Variants in CRPPA observed in about 807,000 individuals in gnomAD.
CRPPA encodes the protein D-ribitol-5-phosphate cytidylyltransferase.
Under a neutral mutation model 52.0 loss-of-function variants are expected in CRPPA, and 43 were observed. The ratio of observed to expected loss-of-function variants is 0.83; its 90% CI spans 0.65 to 1.07. The LOEUF (loss-of-function observed/expected upper bound fraction) is 1.07, where lower values mean the gene tolerates loss of function less well. Among genes scored for constraint, CRPPA ranks in the 50% least tolerant of loss-of-function variants. CRPPA has a pLI of 0.00. For synonymous variants in CRPPA, 250 were observed against 203.5 expected (o/e 1.23, Z -1.94); for missense variants, 629 against 551.7 (o/e 1.14, Z -1.40).
At chr7:16,388,883 C>T (rs1485899862) in intron 2 of CRPPA, among the ~76,000 whole-genome samples, 1 of 151,420 alleles carries the variant, frequency 6.6e-6, no homozygotes, top group Non-Finnish European at 1.5e-5. Context: ...CTCAAACCAA[C>T]AAAAACAGTT....
chr7:16,301,357 A>C, intron 5 of CRPPA, 64 bp downstream of exon 5: 1 of 1,340,672 alleles, frequency 7.5e-7, no homozygotes, highest in Non-Finnish European at 1.1e-6. Context: ...AACTGTCATG[A>C]GAAATTCCGA....
chr7:16,227,973 T>A (rs1782694799), intron 8 of CRPPA, among the ~76,000 whole-genome samples: 1 of 151,928 alleles, frequency 6.6e-6, no homozygotes, highest in African/African-American at 2.4e-5. Context: ...TATTCAGTTA[T>A]CCCAACAACA....
chr7:16,309,791 A>C (rs1161117342), intron 3 of CRPPA, among the ~76,000 whole-genome samples: 1 of 152,144 alleles, frequency 6.6e-6, no homozygotes, highest in Non-Finnish European at 1.5e-5. Context: ...GAAGCTACTG[A>C]AAGAATATAA....
chr7:16,286,069 A>T lies in CRPPA; in HGVS notation c.836-7843T>A. Among the ~76,000 whole-genome samples, 7 of 31,776 alleles carry T rather than the reference A, an allele frequency of 2.2e-4. 2 individuals are homozygous for T. The highest frequency in any genetic ancestry group is 1.1e-3 in the African/African-American group (7 of 6,294). 20.8% of individuals were successfully genotyped at this position (31,776 alleles called of 152,430 possible). ...AATATATATATATATATATATATATATATATATATATAATATTTAAAAAAA... is the reference window on the plus strand; with the variant it reads ...AATATATATATATATATATATATATTTATATATATATAATATTTAAAAAAA... On this transcript the variant is annotated intron_variant, in intron 5 of 9. Transcript: ENST00000407010.
At chr7:16,175,857 A>T (rs1381456370) in intron 9 of CRPPA, among the ~76,000 whole-genome samples, 1 of 152,140 alleles carries the variant, frequency 6.6e-6, no homozygotes, top group East Asian at 1.9e-4. Flanking sequence ...TTTCTATTGG[A>T]TCTCTGAGCT....
intron 7 of CRPPA, among the ~76,000 whole-genome samples, chr7:16,258,683 C>G (rs999627942): frequency 1.3e-5 from 2 of 151,998 alleles, no homozygotes; most frequent in Non-Finnish European, 2.9e-5. Context: ...AAACCTGCCT[C>G]TTATTACCTA....
intron 6 of CRPPA, among the ~76,000 whole-genome samples, chr7:16,274,264 G>A (rs759065003): frequency 1.3e-5 from 2 of 152,100 alleles, no homozygotes; most frequent in Non-Finnish European, 2.9e-5. Context: ...TAGCCAGGAT[G>A]GTCTCGATCT....
intron 1 of CRPPA, among the ~76,000 whole-genome samples, chr7:16,420,220 G>C (rs1788293275): frequency 1.3e-5 from 2 of 152,130 alleles, no homozygotes; most frequent in African/African-American, 2.4e-5. Flanking sequence ...TCAATTCAAG[G>C]CTTCACAAAC....
At chr7:16,124,419 C>T (rs1289293942) in intron 9 of CRPPA, among the ~76,000 whole-genome samples, 1 of 152,100 alleles carries the variant, frequency 6.6e-6, no homozygotes, top group African/African-American at 2.4e-5. Flanking sequence ...GAATGAAATT[C>T]TGTCACTTGT....
At chr7:16,194,313 T>G (rs1259206833) in intron 9 of CRPPA, among the ~76,000 whole-genome samples, 1 of 152,146 alleles carries the variant, frequency 6.6e-6, no homozygotes, top group Non-Finnish European at 1.5e-5. Context: ...GGTGCCATCT[T>G]TGGCTCCCTT....
At chr7:16,399,170 G>A (rs1360834329) in intron 2 of CRPPA, among the ~76,000 whole-genome samples, 4 of 152,316 alleles carry the variant, frequency 2.6e-5, no homozygotes, top group South Asian at 2.1e-4. Context: ...ACATGAACAC[G>A]TGACATGACA....
intron 8 of CRPPA, among the ~76,000 whole-genome samples, chr7:16,240,700 G>A (rs1583457862): frequency 6.6e-6 from 1 of 152,182 alleles, no homozygotes; most frequent in South Asian, 2.1e-4. Flanking sequence ...AACTAAAATA[G>A]CCAGCTCTTT....
rs1385281807 is a variant in CRPPA, at chr7:16,417,884, A to C, written c.257+3182T>G. On this transcript the variant is annotated intron_variant, in intron 1 of 9. Coordinates refer to ENST00000407010, the MANE Select transcript of CRPPA (RefSeq NM_001101426.4). ...TCTTAGAATAACCTAAATGATTGAC[A>C]GTGGTGACACCCATTATTTTTCTTA... Among the ~76,000 whole-genome samples, 2 of 152,244 alleles carry C rather than the reference A, an allele frequency of 1.3e-5. 1 individual carries two copies. The highest frequency in any genetic ancestry group is 2.9e-5 in the Non-Finnish European group (2 of 68,038).
chr7:16,281,756 T>C (rs1292404924), intron 5 of CRPPA, among the ~76,000 whole-genome samples: 1 of 152,188 alleles, frequency 6.6e-6, no homozygotes, highest in Non-Finnish European at 1.5e-5. Context: ...AAAAATTCAG[T>C]ATCTTAAATT....
chr7:16,092,735 A>G (rs1173046227), intron 9 of CRPPA, among the ~76,000 whole-genome samples: 2 of 152,184 alleles, frequency 1.3e-5, no homozygotes, highest in African/African-American at 4.8e-5. Context: ...TATCCTGACT[A>G]AAATCCTTTG....
At chr7:16,327,733 T>G (rs900870678) in intron 3 of CRPPA, among the ~76,000 whole-genome samples, 2 of 152,160 alleles carry the variant, frequency 1.3e-5, no homozygotes, top group Non-Finnish European at 2.9e-5. Context: ...CAAATTAAAC[T>G]GTGGCTTTTA....
intron 3 of CRPPA, among the ~76,000 whole-genome samples, chr7:16,372,901 C>T (rs1262167335): frequency 3.3e-5 from 5 of 152,034 alleles, no homozygotes; most frequent in African/African-American, 1.2e-4. Context: ...GATCCTTATA[C>T]CAGAAAAAGG....
chr7:16,349,713 G>A (rs1351500908), intron 3 of CRPPA, among the ~76,000 whole-genome samples: 1 of 151,576 alleles, frequency 6.6e-6, no homozygotes, highest in Non-Finnish European at 1.5e-5. Context: ...ACAACCTAAG[G>A]AGCAAAAGGA....
chr7:16,168,462 A>C (rs1781111644), intron 9 of CRPPA, among the ~76,000 whole-genome samples: 1 of 151,924 alleles, frequency 6.6e-6, no homozygotes, highest in Admixed American at 6.6e-5. Context: ...CATACCTAGC[A>C]TCAGTGTTTT....
Sources: gnomAD v4.1 joint callset for allele counts (sites outside exome capture counted in the v4.1 genomes callset) on GRCh38, gnomAD v4.1.1 for gene constraint, MANE v1.5 for transcripts, NCBI Gene and HGNC (gene_info 2026-07-23, HGNC 2026-07-21) for gene names.